Variants in PTPRD observed in about 807,000 individuals in gnomAD.
PTPRD encodes protein tyrosine phosphatase receptor type D.
A neutral mutation model predicts 214.5 loss-of-function variants in PTPRD; 34 were observed. That is an observed-to-expected ratio of 0.16 (90% CI 0.12 to 0.21). The LOEUF (loss-of-function observed/expected upper bound fraction) is 0.21. Among genes scored for constraint, PTPRD ranks in the 10% least tolerant of loss-of-function variants. The pLI is 1.00. For missense variants in PTPRD, 2,545 were observed against 2,398.7 expected (o/e 1.06, Z -1.27); for synonymous variants, 1,128 against 845.7 (o/e 1.33, Z -5.79).
At position 9,906,904 on chromosome 9, in the gene PTPRD, T is replaced by C. The variant is rs548139956; in HGVS notation, c.-368+31603A>G. 2.6e-5 allele frequency among the ~76,000 whole-genome samples: 4 copies of C among 152,102 alleles called. No homozygotes were observed. In the South Asian group the frequency reaches 8.3e-4, roughly 32 times the overall value. On this transcript the variant is annotated intron_variant, in intron 5 of 45. Transcript: ENST00000381196. Reference sequence around the variant, plus strand: ...TATGAGATCTGGCTCATAGAACTTATTCTTAATTCACTGCGTTTGTGGCCT... The same window carrying C: ...TATGAGATCTGGCTCATAGAACTTACTCTTAATTCACTGCGTTTGTGGCCT...
chr9:9,580,047 C>A (rs989257779), intron 7 of PTPRD, among the ~76,000 whole-genome samples: 1 of 152,086 alleles, frequency 6.6e-6, no homozygotes, highest in Admixed American at 6.6e-5. Flanking sequence ...TTTTTATGGC[C>A]GAATAGTGTT....
intron 10 of PTPRD, chr9:9,090,923 G>C: frequency 6.5e-6 from 10 of 1,528,872 alleles, no homozygotes; most frequent in Non-Finnish European, 9.0e-6. Flanking sequence ...AGGAACAATG[G>C]TCGTGCCAAA....
At chr9:8,783,333 T>A (rs2095813753) in intron 11 of PTPRD, among the ~76,000 whole-genome samples, 1 of 152,224 alleles carries the variant, frequency 6.6e-6, no homozygotes, top group Non-Finnish European at 1.5e-5. Context: ...TTCCTAGTAT[T>A]AGTAACTTTC....
rs143552638 is a variant in PTPRD, at chr9:9,346,838, G to A, written c.-203+50611C>T. Among the ~76,000 whole-genome samples the A allele has an allele frequency of 1.1e-4, 17 of 152,066 alleles. No individual in the cohort carries two copies. The East Asian group carries it at 1.7e-3, about 16-fold the overall frequency. ...CTCTCAAGTAGCTGGGATTACAGGC[G>A]CCTGACACCAAGCCTAGCTAATTCT... On this transcript the variant is annotated intron_variant, in intron 9 of 45. Transcript: ENST00000381196.
chr9:9,503,464 G>T (rs563808608), intron 8 of PTPRD, among the ~76,000 whole-genome samples: 2 of 151,442 alleles, frequency 1.3e-5, no homozygotes, highest in South Asian at 2.1e-4. Context: ...AGGTTCAAAT[G>T]GGCGCTCAAG....
At chr9:8,804,312 T>G (rs2096630368) in intron 11 of PTPRD, among the ~76,000 whole-genome samples, 1 of 152,004 alleles carries the variant, frequency 6.6e-6, no homozygotes, top group Non-Finnish European at 1.5e-5. Context: ...TCCTTATTTA[T>G]ATTGACCAAG....
intron 8 of PTPRD, among the ~76,000 whole-genome samples, chr9:9,482,931 T>A (rs993065901): frequency 1.3e-5 from 2 of 152,178 alleles, no homozygotes; most frequent in Admixed American, 6.6e-5. Flanking sequence ...GCTACTCTCT[T>A]TAAATAGTTT....
chr9:10,416,916 T>C (rs1275230396), intron 2 of PTPRD, among the ~76,000 whole-genome samples: 2 of 151,918 alleles, frequency 1.3e-5, no homozygotes, highest in African/African-American at 4.8e-5. Context: ...AATTGTTTGA[T>C]GCTATTAAAC....
At chr9:8,389,627 C>G (rs929674728) in intron 36 of PTPRD, among the ~76,000 whole-genome samples, 1 of 152,036 alleles carries the variant, frequency 6.6e-6, no homozygotes, top group African/African-American at 2.4e-5. Context: ...TATAATACGA[C>G]AAAGAAAAAA....
Position 9,989,016 on chromosome 9 carries a change from C to CAAAAAAAAAAAAAAAAAAAAAAAA in PTPRD, c.-472+44678_-472+44701dup, listed in dbSNP as rs397836899. Among the ~76,000 whole-genome samples, 4 of 36,288 alleles carry CAAAAAAAAAAAAAAAAAAAAAAAA rather than the reference C, an allele frequency of 1.1e-4. 1 individual carries two copies. The highest frequency in any genetic ancestry group is 2.3e-4 in the African/African-American group (3 of 13,052). 23.8% of individuals were successfully genotyped at this position (36,288 alleles called of 152,430 possible). ...CAGAAGAGCCCTTAGTTTCACTGACCAAAAAAAAAAAAAAAAAAAAAAAAA... is the reference window on the plus strand; with the variant it reads ...CAGAAGAGCCCTTAGTTTCACTGACCAAAAAAAAAAAAAAAAAAAAAAAAAAAAAAAAAAAAAAAAAAAAAAAAA... On this transcript the variant is annotated intron_variant, in intron 4 of 45. Transcript: ENST00000381196.
intron 5 of PTPRD, among the ~76,000 whole-genome samples, chr9:9,833,262 A>G (rs1045467424): frequency 6.6e-6 from 1 of 151,992 alleles, no homozygotes; most frequent in South Asian, 2.1e-4. Flanking sequence ...AAAAGAGATA[A>G]ATTTTAAAGC....
intron 2 of PTPRD, among the ~76,000 whole-genome samples, chr9:10,573,447 CA>C (rs1310539613): frequency 6.6e-6 from 1 of 152,098 alleles, no homozygotes; most frequent in African/African-American, 2.4e-5. Flanking sequence ...CACACAGGTC[CA>C]GTCATTTTGT....
At chr9:9,875,328 T>A (rs1183022236) in intron 5 of PTPRD, among the ~76,000 whole-genome samples, 1 of 152,108 alleles carries the variant, frequency 6.6e-6, no homozygotes, top group Admixed American at 6.6e-5. Flanking sequence ...ATAAGTTTTA[T>A]TGTACAGTAC....
chr9:9,046,751 T>G (rs1040324974), intron 10 of PTPRD, among the ~76,000 whole-genome samples: 9 of 152,146 alleles, frequency 5.9e-5, no homozygotes, highest in African/African-American at 1.9e-4. Context: ...AGGCAATACA[T>G]AAAGCATGAG....
chr9:10,337,585 C>A (rs1283352282), intron 3 of PTPRD, among the ~76,000 whole-genome samples: 2 of 151,406 alleles, frequency 1.3e-5, no homozygotes, highest in East Asian at 3.9e-4. Flanking sequence ...TTTTCCTTTG[C>A]AATTTGGGAA....
At chr9:9,301,887 A>G (rs1955456780) in intron 9 of PTPRD, among the ~76,000 whole-genome samples, 1 of 151,930 alleles carries the variant, frequency 6.6e-6, no homozygotes, top group African/African-American at 2.4e-5. Context: ...TGTCCAGACA[A>G]CATCTAGAAG....
At chr9:8,882,401 G>A (rs1247692110) in intron 11 of PTPRD, among the ~76,000 whole-genome samples, 2 of 152,148 alleles carry the variant, frequency 1.3e-5, no homozygotes, top group Non-Finnish European at 2.9e-5. Flanking sequence ...TTTGTAGGCA[G>A]GGAAAGCTGA....
chr9:10,369,992 C>T (rs991541859), intron 2 of PTPRD, among the ~76,000 whole-genome samples: 14 of 151,968 alleles, frequency 9.2e-5, no homozygotes, highest in African/African-American at 3.4e-4. Flanking sequence ...ATCAAACTGT[C>T]ATAGCCATAT....
intron 2 of PTPRD, among the ~76,000 whole-genome samples, chr9:10,443,840 C>G (rs1223343802): frequency 1.3e-5 from 2 of 149,532 alleles, no homozygotes; most frequent in Non-Finnish European, 3.0e-5. Flanking sequence ...CTATTTACCT[C>G]AAATTCACAC....
Sources: allele counts gnomAD v4.1 joint callset (sites outside exome capture counted in the v4.1 genomes callset), GRCh38; gene constraint gnomAD v4.1.1; transcripts MANE v1.5; gene names NCBI Gene and HGNC (gene_info 2026-07-23, HGNC 2026-07-21).